Variants in DTHD1 observed in about 807,000 individuals in gnomAD.
DTHD1 encodes death domain containing 1, also known as death domain-containing protein 1.
A neutral mutation model predicts 74.8 loss-of-function variants in DTHD1; 59 were observed. The ratio of observed to expected loss-of-function variants is 0.79; its 90% CI spans 0.64 to 0.98. The LOEUF (loss-of-function observed/expected upper bound fraction) is 0.98, where lower values mean the gene tolerates loss of function less well. DTHD1 is among the 50% of genes least tolerant of loss of function. The probability of loss-of-function intolerance (pLI) is 0.00; values close to 1 mark genes in which losing one functional copy is unlikely to be tolerated. For missense variants in DTHD1, 1,051 were observed against 1,065.4 expected (o/e 0.99, Z 0.19); for synonymous variants, 365 against 371.1 (o/e 0.98, Z 0.19).
intron 7 of DTHD1, chr4:36,311,543 T>A (rs988853188): frequency 6.6e-6 from 1 of 150,536 alleles, no homozygotes; most frequent in East Asian, 2.0e-4. Context: ...AGAAGCTTTC[T>A]CTATCCTTCC....
intron 5 of DTHD1, among the ~76,000 whole-genome samples, chr4:36,303,134 TA>T (rs1756867652): frequency 6.6e-6 from 1 of 152,216 alleles, no homozygotes; most frequent in Admixed American, 6.5e-5. Flanking sequence ...AAATCTTTAC[TA>T]TTTTTGGAAC....
At chr4:36,300,783 A>C (rs1182904126) in intron 5 of DTHD1, among the ~76,000 whole-genome samples, 2 of 152,210 alleles carry the variant, frequency 1.3e-5, no homozygotes, top group Non-Finnish European at 2.9e-5. Flanking sequence ...TGAGTGCTGT[A>C]TTGTCAACGC....
At chr4:36,300,843 T>C (rs192693874) in intron 5 of DTHD1, among the ~76,000 whole-genome samples, 1 of 152,324 alleles carries the variant, frequency 6.6e-6, no homozygotes, top group East Asian at 1.9e-4. Flanking sequence ...AACATTAAAG[T>C]AAATGCTTAC....
intron 8 of DTHD1, among the ~76,000 whole-genome samples, chr4:36,319,206 G>A (rs1260336269): frequency 2.6e-5 from 4 of 152,042 alleles, no homozygotes; most frequent in African/African-American, 7.3e-5. Context: ...CATGAATGAA[G>A]GACCCTGTCT....
chr4:36,334,358 G>GTTTTTTTTTTTTT (rs34455692), intron 8 of DTHD1, among the ~76,000 whole-genome samples: 2 of 138,906 alleles, frequency 1.4e-5, no homozygotes. Context: ...ATTTTTTTTG[G>GTTTTTTTTTTTTT]TTTTTTTTTT....
intron 1 of DTHD1, among the ~76,000 whole-genome samples, chr4:36,282,656 TAAC>T (rs1484411032): frequency 6.6e-6 from 1 of 152,134 alleles, no homozygotes; most frequent in African/African-American, 2.4e-5. Flanking sequence ...TAATCCTAGA[TAAC>T]AACAGTTACT....
intron 5 of DTHD1, among the ~76,000 whole-genome samples, chr4:36,305,028 A>G (rs1255019300): frequency 6.6e-6 from 1 of 152,156 alleles, no homozygotes; most frequent in African/African-American, 2.4e-5. Context: ...GGTTGGGGAA[A>G]AGTATCACAT....
At position 36,347,485 on chromosome 4, in the gene DTHD1, C is replaced by A. The variant is rs1267850840; in HGVS notation, c.*3661C>A. 1.3e-5 allele frequency among the ~76,000 whole-genome samples: 2 copies of A among 152,060 alleles called. No individual in the cohort carries two copies. Among genetic ancestry groups the A allele is most frequent in the African/African-American group, 4.8e-5 (2 of 41,420 alleles). On this transcript the variant is annotated 3_prime_UTR_variant, in exon 10 of 10. Transcript: ENST00000639862. ...TTTAACCGTGTTCTATATTCAGGAC[C>A]ATTTAGCAATTAAACTTTGAACATC...
Position 36,290,672 on chromosome 4 carries a change from A to C in DTHD1, c.1187A>C (p.Asn396Thr). The stretch of plus-strand genomic sequence containing the variant: ...CTTCAATCAAGTTACCTAAACCCAA[A>C]TTCACTAGAAGGAATGAAGGGAGGT... ...INLQSSYLNP[N>T]SLEGMKGGYK... The change falls in exon 3 of 10, where the codon AAT (asparagine) becomes ACT (threonine). Residue 396 changes from asparagine (N) to threonine (T), a missense_variant. Coordinates refer to ENST00000639862, the MANE Select transcript of DTHD1 (RefSeq NM_001170700.3). 6.5e-7 allele frequency: 1 copy of C among 1,543,458 alleles called. No individual in the cohort carries two copies. The highest frequency in any genetic ancestry group is 8.7e-7 in the Non-Finnish European group (1 of 1,146,696).
In DTHD1 at chr4:36,294,871, G is replaced by A; in HGVS notation, c.1475G>A (p.Ser492Asn). Residue 492 changes from serine (S) to asparagine (N), a missense_variant, in exon 5 of 10, where the codon AGC (serine) becomes AAC (asparagine). Coordinates refer to ENST00000639862, the MANE Select transcript of DTHD1 (RefSeq NM_001170700.3). ...QDTFYSVQSTSPLIHIQHPST... is the reference protein window; with the variant it reads ...QDTFYSVQSTNPLIHIQHPST... Reference sequence around the variant, plus strand: ...ACTTTCTACTCAGTCCAATCCACAAGCCCTCTGATTCACATTCAGCACCCA... The same window carrying A: ...ACTTTCTACTCAGTCCAATCCACAAACCCTCTGATTCACATTCAGCACCCA... 6.4e-7 allele frequency: 1 copy of A among 1,551,786 alleles called. No homozygotes were observed. Among genetic ancestry groups the A allele is most frequent in the Non-Finnish European group, 8.7e-7 (1 of 1,146,726 alleles).
rs1181971271 is a variant in DTHD1, at chr4:36,316,404, T to C, written c.2258T>C (p.Val753Ala). Reference sequence around the variant, plus strand: ...TATAAAGTACCTAAAGGAAAGATAGTCCCCAACTTGAATCAATCTCTCGTA... The same window carrying C: ...TATAAAGTACCTAAAGGAAAGATAGCCCCCAACTTGAATCAATCTCTCGTA... ...VVYKVPKGKI[V>A]PNLNQSLVIN... The change falls in exon 8 of 10, where the codon GTC becomes GCC. Residue 753 changes from valine (V) to alanine (A), a missense_variant. By Grantham distance (64) the Val-to-Ala change is moderately conservative (BLOSUM62 0). Coordinates refer to ENST00000639862, the MANE Select transcript of DTHD1 (RefSeq NM_001170700.3). The C allele has an allele frequency of 7.1e-6, 11 of 1,551,952 alleles. No homozygotes were observed. Among genetic ancestry groups the C allele is most frequent in the Non-Finnish European group, 9.6e-6 (11 of 1,147,076 alleles).
intron 5 of DTHD1, among the ~76,000 whole-genome samples, chr4:36,297,846 T>G (rs1488110981): frequency 6.6e-6 from 1 of 152,012 alleles, no homozygotes; most frequent in Non-Finnish European, 1.5e-5. Flanking sequence ...GAAAGAGAAT[T>G]CTTGCTTTTT....
chr4:36,285,433 T>G (rs1755644097), intron 2 of DTHD1, among the ~76,000 whole-genome samples: 1 of 152,134 alleles, frequency 6.6e-6, no homozygotes, highest in Admixed American at 6.6e-5. Context: ...AAATTGAATG[T>G]GTATGTTCAG....
Position 36,316,347 on chromosome 4 carries a change from G to T in DTHD1, c.2201G>T (p.Ser734Ile), listed in dbSNP as rs929467367. ...IKEVDEFGNY[S>I]CPHYKGTIVV... Reference sequence around the variant, plus strand: ...GAAGTGGACGAATTTGGAAACTATAGTTGCCCTCATTACAAAGGCACCATT... The same window carrying T: ...GAAGTGGACGAATTTGGAAACTATATTTGCCCTCATTACAAAGGCACCATT... Residue 734 changes from serine to isoleucine, a missense_variant, in exon 8 of 10, where the codon AGT becomes ATT. Transcript: ENST00000639862. The T allele has an allele frequency of 1.3e-6, 2 of 1,551,996 alleles. No homozygotes were observed. The highest frequency in any genetic ancestry group is 1.7e-6 in the Non-Finnish European group (2 of 1,147,082).
Position 36,344,619 on chromosome 4 carries a change from G to T in DTHD1, c.*795G>T, listed in dbSNP as rs73121679. On this transcript the variant is annotated 3_prime_UTR_variant, in exon 10 of 10. Coordinates refer to ENST00000639862, the MANE Select transcript of DTHD1 (RefSeq NM_001170700.3). ...GAGGGAATAGATTGTAAATATTTCTGATCAGTCCTAAGGTCTGTTGAAATT... is the reference window on the plus strand; with the variant it reads ...GAGGGAATAGATTGTAAATATTTCTTATCAGTCCTAAGGTCTGTTGAAATT... 0.2 allele frequency: 29,730 copies of T among 152,092 alleles called. 6,443 individuals are homozygous for T. The highest frequency in any genetic ancestry group is 0.53 in the African/African-American group (21,943 of 41,420). The allele number at this position is 152,092 out of a possible 1,614,324, so 9.4% of individuals were successfully genotyped here.
chr4:36,307,578 G>A (rs898503682), intron 6 of DTHD1, among the ~76,000 whole-genome samples: 6 of 152,134 alleles, frequency 3.9e-5, no homozygotes, highest in Non-Finnish European at 7.4e-5. Flanking sequence ...ATGTGTGTGG[G>A]GAGGGTGAGA....
intron 8 of DTHD1, chr4:36,333,370 AAAG>A (rs1427394943): frequency 6.6e-6 from 1 of 152,202 alleles, no homozygotes; most frequent in Non-Finnish European, 1.5e-5. Flanking sequence ...TAATTAAAAA[AAAG>A]AAGGCCTATT....
At chr4:36,311,674 C>T (rs886214184) in intron 7 of DTHD1, 3 of 151,796 alleles carry the variant, frequency 2.0e-5, no homozygotes, top group Admixed American at 1.3e-4. Flanking sequence ...ATTGTTTGAC[C>T]AATGCCAGTT....
chr4:36,327,435 G>C (rs1758418161), intron 8 of DTHD1, among the ~76,000 whole-genome samples: 1 of 152,128 alleles, frequency 6.6e-6, no homozygotes, highest in South Asian at 2.1e-4. Flanking sequence ...GCAAGTTCTG[G>C]CAATGCTGTA....
Sources: gnomAD v4.1 joint callset for allele counts (sites outside exome capture counted in the v4.1 genomes callset) on GRCh38, gnomAD v4.1.1 for gene constraint, MANE v1.5 for transcripts, NCBI Gene and HGNC (gene_info 2026-07-23, HGNC 2026-07-21) for gene names.